DYM: variants seen among roughly 807,000 people sequenced by gnomAD.
DYM encodes dymeclin, also known as dyggve-Melchior-Clausen syndrome protein.
In DYM, 78 loss-of-function variants were observed where a neutral mutation model predicts 93.1. That is an observed-to-expected ratio of 0.84 (90% confidence interval 0.70 to 1.01). DYM has a LOEUF of 1.01. Among genes scored for constraint, DYM ranks in the 50% least tolerant of loss-of-function variants. The pLI is 0.00. For synonymous variants in DYM, 321 were observed against 319.7 expected (o/e 1.00, Z -0.04); for missense variants, 789 against 845.0 (o/e 0.93, Z 0.82).
chr18:49,255,977 G>A (rs1047245054), intron 13 of DYM, among the ~76,000 whole-genome samples: 6 of 147,992 alleles, frequency 4.1e-5, no homozygotes, highest in East Asian at 2.1e-4. Context: ...CCAGCTACTC[G>A]GGAGGCTGAG....
At chr18:49,299,028 G>A (rs2060735720) in intron 8 of DYM, among the ~76,000 whole-genome samples, 1 of 152,138 alleles carries the variant, frequency 6.6e-6, no homozygotes, top group South Asian at 2.1e-4. Flanking sequence ...GCTCAGAGGG[G>A]CAGACAACCC....
intron 15 of DYM, among the ~76,000 whole-genome samples, chr18:49,140,005 A>G (rs922544264): frequency 3.9e-5 from 6 of 152,132 alleles, no homozygotes; most frequent in African/African-American, 1.4e-4. Flanking sequence ...GCGTGCTTTT[A>G]TAACTCTGTA....
chr18:49,344,864 C>T (rs2064451821), intron 6 of DYM, among the ~76,000 whole-genome samples: 1 of 152,088 alleles, frequency 6.6e-6, no homozygotes. Context: ...ATAAGACAAA[C>T]TTCACAGAGC....
chr18:49,324,101 C>T (rs1048612345), intron 8 of DYM, among the ~76,000 whole-genome samples: 2 of 124,126 alleles, frequency 1.6e-5, no homozygotes, highest in African/African-American at 6.3e-5. Context: ...TGTCACTGCA[C>T]TCCAGCCTGA....
At chr18:49,302,697 T>C (rs995152249) in intron 8 of DYM, among the ~76,000 whole-genome samples, 1 of 152,200 alleles carries the variant, frequency 6.6e-6, no homozygotes, top group African/African-American at 2.4e-5. Context: ...AATTACTACA[T>C]TGAAATCTCA....
intron 13 of DYM, among the ~76,000 whole-genome samples, chr18:49,233,482 A>T (rs2093771315): frequency 6.6e-6 from 1 of 152,062 alleles, no homozygotes; most frequent in Non-Finnish European, 1.5e-5. Flanking sequence ...TTGTGTTCAG[A>T]TGTAGTTACA....
chr18:49,183,084 A>G (rs9954569), intron 14 of DYM, among the ~76,000 whole-genome samples: 85,805 of 151,964 alleles, frequency 0.56, 25,365 homozygotes, highest in Non-Finnish European at 0.67. Flanking sequence ...GTGATTGCAC[A>G]TTTTTTTTCC....
chr18:49,415,886 C>T (rs1600084233), intron 2 of DYM, among the ~76,000 whole-genome samples: 1 of 148,534 alleles, frequency 6.7e-6, no homozygotes. Flanking sequence ...AAGGTCGTGC[C>T]ACTGTACTCC....
At chr18:49,066,222 C>G (rs1392464905) in intron 17 of DYM, among the ~76,000 whole-genome samples, 1 of 152,020 alleles carries the variant, frequency 6.6e-6, no homozygotes, top group African/African-American at 2.4e-5. Flanking sequence ...TCAGGGAACT[C>G]TCTCCCATCT....
At chr18:49,298,790 G>T (rs894381937) in intron 8 of DYM, among the ~76,000 whole-genome samples, 8 of 151,996 alleles carry the variant, frequency 5.3e-5, no homozygotes, top group African/African-American at 1.7e-4. Flanking sequence ...ACCATGAAAG[G>T]TACTAGAATT....
At chr18:49,256,000 C>T (rs1246779028) in intron 13 of DYM, among the ~76,000 whole-genome samples, 4 of 148,158 alleles carry the variant, frequency 2.7e-5, no homozygotes, top group Non-Finnish European at 4.4e-5. Flanking sequence ...AGGAGAATGA[C>T]GTGAACCCAG....
intron 11 of DYM, among the ~76,000 whole-genome samples, chr18:49,263,773 TA>T (rs1417110953): frequency 7.9e-5 from 12 of 152,238 alleles, no homozygotes; most frequent in African/African-American, 2.9e-4. Flanking sequence ...GTTAACACAC[TA>T]AAAAGCACAG....
At chr18:49,276,568 C>A (rs2094851761) in intron 10 of DYM, among the ~76,000 whole-genome samples, 1 of 151,978 alleles carries the variant, frequency 6.6e-6, no homozygotes, top group South Asian at 2.1e-4. Flanking sequence ...GAGAGAAAAA[C>A]CAAGTCTAAA....
intron 15 of DYM, among the ~76,000 whole-genome samples, chr18:49,156,909 C>G (rs2086520558): frequency 6.6e-6 from 1 of 151,738 alleles, no homozygotes; most frequent in Non-Finnish European, 1.5e-5. Flanking sequence ...CTCTGCCTCA[C>G]CTAAAGTCTT....
chr18:49,351,987 G>A (rs1235353262), intron 6 of DYM, among the ~76,000 whole-genome samples: 9 of 152,268 alleles, frequency 5.9e-5, no homozygotes, highest in African/African-American at 2.2e-4. Context: ...TGGTGTCAAT[G>A]AGGGTAGTCC....
intron 16 of DYM, among the ~76,000 whole-genome samples, chr18:49,103,340 A>C (rs1278739175): frequency 6.6e-6 from 1 of 152,012 alleles, no homozygotes; most frequent in African/African-American, 2.4e-5. Flanking sequence ...AGATGGCAAA[A>C]ATTTTCTCCC....
At chr18:49,375,176 A>C (rs1185084023) in intron 5 of DYM, among the ~76,000 whole-genome samples, 1 of 140,946 alleles carries the variant, frequency 7.1e-6, no homozygotes, top group East Asian at 2.2e-4. Context: ...ACAGTTACAA[A>C]GCGGGAAAGG....
chr18:49,374,568 A>G (rs937406131), intron 5 of DYM, among the ~76,000 whole-genome samples: 4 of 152,224 alleles, frequency 2.6e-5, no homozygotes, highest in Non-Finnish European at 5.9e-5. Flanking sequence ...GAAATGACAA[A>G]TGCTCAATCT....
At position 49,040,418 on chromosome 18, in the gene DYM, C is replaced by A. The variant is rs537915086; in HGVS notation, c.*3637G>T. Reference sequence around the variant, plus strand: ...TGAGTGGGAACTCTGAATAGCTATACGCTAATGAGATTAAATTTTATGCTT... The same window carrying A: ...TGAGTGGGAACTCTGAATAGCTATAAGCTAATGAGATTAAATTTTATGCTT... On this transcript the variant is annotated 3_prime_UTR_variant, in exon 18 of 18. Transcript: ENST00000675505. Among the ~76,000 whole-genome samples the A allele has an allele frequency of 2.2e-4, 33 of 152,238 alleles. No individual in the cohort carries two copies. The highest frequency in any genetic ancestry group is 3.7e-4 in the Non-Finnish European group (25 of 68,022).
Sources: gnomAD v4.1 joint callset for allele counts (sites outside exome capture counted in the v4.1 genomes callset) on GRCh38, gnomAD v4.1.1 for gene constraint, MANE v1.5 for transcripts, NCBI Gene and HGNC (gene_info 2026-07-23, HGNC 2026-07-21) for gene names.